MAGI3: variants seen among roughly 807,000 people sequenced by gnomAD.
MAGI3 encodes the protein membrane-associated guanylate kinase, WW and PDZ domain-containing protein 3.
In MAGI3, 43 loss-of-function variants were observed where a neutral mutation model predicts 121.8. The ratio of observed to expected loss-of-function variants is 0.35; its 90% CI spans 0.28 to 0.46. The LOEUF (loss-of-function observed/expected upper bound fraction) is 0.46. Ranked by LOEUF, MAGI3 falls within the 20% of genes least tolerant of loss-of-function variation. The probability of loss-of-function intolerance (pLI) is 1.00; values close to 1 mark genes in which losing one functional copy is unlikely to be tolerated. For synonymous variants in MAGI3, 553 were observed against 639.3 expected (o/e 0.86, Z 2.04); for missense variants, 1,547 against 1,797.3 (o/e 0.86, Z 2.52).
chr1:113,630,116 T>G (rs1375039069), intron 9 of MAGI3, among the ~76,000 whole-genome samples: 1 of 151,964 alleles, frequency 6.6e-6, no homozygotes, highest in African/African-American at 2.4e-5. Context: ...CCTTAGAAAT[T>G]TACCTGGTAT....
intron 2 of MAGI3, among the ~76,000 whole-genome samples, chr1:113,552,804 G>A (rs187019186): frequency 3.3e-5 from 5 of 152,216 alleles, no homozygotes; most frequent in East Asian, 1.9e-4. Context: ...GAACCTAGAC[G>A]CAATGACACA....
chr1:113,672,692 C>T lies in MAGI3; in HGVS notation c.2996C>T (p.Ala999Val). 1 of 1,613,860 alleles carries T rather than the reference C, an allele frequency of 6.2e-7. No individual in the cohort carries two copies. Among genetic ancestry groups the T allele is most frequent in the Non-Finnish European group, 8.5e-7 (1 of 1,179,890 alleles). Residue 999 changes from alanine (A) to valine (V), a missense_variant, in exon 18 of 21, where the codon GCA becomes GTA. Transcript: ENST00000307546. ...RHSWSDHKHL[A>V]QPDTAVISVV... The stretch of plus-strand genomic sequence containing the variant: ...TCTTGGTCAGACCACAAGCACCTTG[C>T]ACAGCCTGACACCGCAGTAATTTCA...
chr1:113,576,265 G>A (rs975359493), intron 2 of MAGI3, among the ~76,000 whole-genome samples: 2 of 152,186 alleles, frequency 1.3e-5, no homozygotes, highest in Admixed American at 6.5e-5. Context: ...CCAAACAGCC[G>A]CCTCGTTTCG....
Position 113,684,236 on chromosome 1 carries a change from C to T in MAGI3, c.*222C>T, listed in dbSNP as rs1571051052. ...CTCGCTCTCAGGAAGGAGCTGCATC[C>T]ACATGCTCATCTGACCCGCCCTGCT... On this transcript the variant is annotated 3_prime_UTR_variant, in exon 21 of 21. Coordinates refer to ENST00000307546, the MANE Select transcript of MAGI3 (RefSeq NM_001142782.2). The T allele has an allele frequency of 2.3e-6, 1 of 436,928 alleles. No homozygotes were observed. The highest frequency in any genetic ancestry group is 4.1e-5 in the East Asian group (1 of 24,110). The allele number at this position is 436,928 out of a possible 1,614,324, so 27.1% of individuals were successfully genotyped here.
chr1:113,563,255 C>T (rs190970414), intron 2 of MAGI3, among the ~76,000 whole-genome samples: 1 of 152,238 alleles, frequency 6.6e-6, no homozygotes, highest in Non-Finnish European at 1.5e-5. Flanking sequence ...AATTCAACTC[C>T]CATTTATGAC....
At chr1:113,402,666 G>A (rs1322120507) in intron 1 of MAGI3, among the ~76,000 whole-genome samples, 6 of 151,986 alleles carry the variant, frequency 3.9e-5, no homozygotes, top group African/African-American at 1.2e-4. Context: ...ATAAATTTTA[G>A]GGCAAGAGGA....
chr1:113,674,176 G>A (rs1176736239), intron 19 of MAGI3, among the ~76,000 whole-genome samples: 2 of 152,186 alleles, frequency 1.3e-5, no homozygotes, highest in African/African-American at 2.4e-5. Context: ...CAGATCGCCT[G>A]AGGTCGGGAG....
intron 1 of MAGI3, among the ~76,000 whole-genome samples, chr1:113,460,980 C>T (rs1655004592): frequency 6.6e-6 from 1 of 152,110 alleles, no homozygotes; most frequent in Admixed American, 6.6e-5. Flanking sequence ...ATCGAATTCC[C>T]AGTTGCCACA....
intron 1 of MAGI3, among the ~76,000 whole-genome samples, chr1:113,405,318 A>G (rs1651614929): frequency 6.6e-6 from 1 of 151,932 alleles, no homozygotes; most frequent in Non-Finnish European, 1.5e-5. Context: ...CTACAAAAAA[A>G]TACAATAAAA....
intron 4 of MAGI3, among the ~76,000 whole-genome samples, chr1:113,586,076 A>G (rs1227706221): frequency 1.3e-5 from 2 of 152,240 alleles, no homozygotes; most frequent in South Asian, 2.1e-4. Flanking sequence ...TTCAAATATG[A>G]GACCCTTCAT....
chr1:113,606,709 G>A (rs560667266), intron 6 of MAGI3, among the ~76,000 whole-genome samples: 14 of 151,896 alleles, frequency 9.2e-5, no homozygotes, highest in South Asian at 8.3e-4. Flanking sequence ...AATACAACCC[G>A]TCCCTCTTTC....
rs1218378674 is a variant in MAGI3 at position 113,391,216 on chromosome 1, G to T, written c.183G>T (p.Ser61=). 1.9e-6 allele frequency: 3 copies of T among 1,556,148 alleles called. No homozygotes were observed. The highest frequency in any genetic ancestry group is 1.7e-6 in the Non-Finnish European group (2 of 1,150,498). ...GCGGGGGCACCTGCTGCGTCGTCTC[G>T]GGCAAGGCGCCCAGCCCAGGCGATG... ...EPGGGTCCVV[S]GKAPSPGDVL... The change falls in exon 1 of 21, where the codon TCG becomes TCT. Residue 61 remains serine, a synonymous_variant. Coordinates refer to ENST00000307546, the MANE Select transcript of MAGI3 (RefSeq NM_001142782.2). The surrounding 1 kb of genome is among the most constrained non-coding windows in gnomAD (Gnocchi z 4.4).
At chr1:113,519,492 A>G (rs371580510) in intron 1 of MAGI3, among the ~76,000 whole-genome samples, 23 of 152,316 alleles carry the variant, frequency 1.5e-4, no homozygotes, top group African/African-American at 4.3e-4. Flanking sequence ...CTGATATGGC[A>G]TACTGTGTCA....
At chr1:113,602,575 C>G (rs1161006013) in intron 6 of MAGI3, among the ~76,000 whole-genome samples, 1 of 152,004 alleles carries the variant, frequency 6.6e-6, no homozygotes, top group Non-Finnish European at 1.5e-5. Flanking sequence ...AGAACAAACC[C>G]AAAGTTAGTG....
intron 1 of MAGI3, among the ~76,000 whole-genome samples, chr1:113,461,481 C>T (rs1394427529): frequency 1.3e-5 from 2 of 152,100 alleles, no homozygotes; most frequent in East Asian, 3.8e-4. Context: ...GGAAAAGACT[C>T]CCTATTCAAT....
At chr1:113,676,831 T>A (rs1385481847) in intron 19 of MAGI3, among the ~76,000 whole-genome samples, 1 of 152,194 alleles carries the variant, frequency 6.6e-6, no homozygotes, top group African/African-American at 2.4e-5. Flanking sequence ...TATTATTCCG[T>A]ATCTCCAGCA....
At chr1:113,649,071 GA>G (rs1246120870) in intron 12 of MAGI3, among the ~76,000 whole-genome samples, 165 bp from the exon 13 acceptor site, 2 of 152,098 alleles carry the variant, frequency 1.3e-5, no homozygotes, top group African/African-American at 4.8e-5. Context: ...ATTTATAGTT[GA>G]ATTGTGTGTG....
chr1:113,455,506 G>A (rs971700006), intron 1 of MAGI3, among the ~76,000 whole-genome samples: 5 of 151,918 alleles, frequency 3.3e-5, no homozygotes, highest in South Asian at 2.1e-4. Context: ...TGCCATCCAG[G>A]CCTTGCATTC....
intron 1 of MAGI3, among the ~76,000 whole-genome samples, chr1:113,396,463 A>C (rs1301258042): frequency 6.6e-6 from 1 of 152,156 alleles, no homozygotes; most frequent in Non-Finnish European, 1.5e-5. Flanking sequence ...CTGAATTTAA[A>C]ACTATTGTCT....
Sources: allele counts gnomAD v4.1 joint callset (sites outside exome capture counted in the v4.1 genomes callset), GRCh38; gene constraint gnomAD v4.1.1; non-coding constraint Gnocchi (gnomAD v3.1); transcripts MANE v1.5; gene names NCBI Gene and HGNC (gene_info 2026-07-23, HGNC 2026-07-21).